Variants in FBN2 observed in about 807,000 individuals in gnomAD.
FBN2 encodes the protein fibrillin-2.
A neutral mutation model predicts 355.6 loss-of-function variants in FBN2; 105 were observed. That is an observed-to-expected ratio of 0.30 (90% CI 0.25 to 0.35). The LOEUF (loss-of-function observed/expected upper bound fraction) is 0.35. Ranked by LOEUF, FBN2 falls within the 10% of genes least tolerant of loss-of-function variation. The pLI, the probability that FBN2 is intolerant of heterozygous loss-of-function variation, is 1.00. For synonymous variants in FBN2, 1,350 were observed against 1,301.2 expected, an observed-to-expected ratio of 1.04 and a Z score of -0.81; for missense variants, 3,280 against 3,758.7, an observed-to-expected ratio of 0.87 and a Z score of 3.33.
chr5:128,494,346 T>C (rs1274408870), intron 5 of FBN2, among the ~76,000 whole-genome samples: 2 of 152,134 alleles, frequency 1.3e-5, no homozygotes, highest in African/African-American at 4.8e-5. Flanking sequence ...ATTTTGATGG[T>C]AGGCAATTAA....
intron 62 of FBN2, among the ~76,000 whole-genome samples, chr5:128,267,047 G>C (rs907225942): frequency 6.0e-5 from 9 of 151,034 alleles, no homozygotes; most frequent in Admixed American, 3.3e-4. Flanking sequence ...TCGTTGTTCA[G>C]CTCTCACTTA....
At chr5:128,317,204 T>A (rs986838378) in intron 36 of FBN2, among the ~76,000 whole-genome samples, 6 of 152,104 alleles carry the variant, frequency 3.9e-5, no homozygotes, top group Non-Finnish European at 8.8e-5. Flanking sequence ...TCCAACCACC[T>A]CCAGTGCCAA....
chr5:128,509,932 C>T (rs1051589759), intron 5 of FBN2, among the ~76,000 whole-genome samples: 1 of 152,160 alleles, frequency 6.6e-6, no homozygotes, highest in African/African-American at 2.4e-5. Flanking sequence ...GTTCCTTTCA[C>T]TCCTTTCAAG....
Position 128,408,757 on chromosome 5 carries a change from C to T in FBN2, c.995G>A (p.Gly332Asp). 1.2e-6 allele frequency: 2 copies of T among 1,613,948 alleles called. No individual in the cohort carries two copies. The highest frequency in any genetic ancestry group is 1.7e-6 in the Non-Finnish European group (2 of 1,179,856). ...GCTTCCCACGGTGTTGGAACATTCA[C>T]CAGTTTCACATATCCCAGGAATGAT... ...CSIIPGICET[G>D]ECSNTVGSYF... Residue 332 changes from glycine to aspartate, a missense_variant, in exon 8 of 65, where the codon GGT becomes GAT. Gly to Asp is a moderately conservative substitution (Grantham distance 94). Transcript: ENST00000262464.
intron 32 of FBN2, 116 bp from the exon 33 acceptor site, chr5:128,330,811 G>T (rs1357490531): frequency 1.4e-5 from 16 of 1,171,046 alleles, no homozygotes; most frequent in Admixed American, 1.9e-5. Flanking sequence ...ATTTTAGTTT[G>T]CAGGATCACA....
At chr5:128,454,560 AACTT>A (rs1316321513) in intron 6 of FBN2, among the ~76,000 whole-genome samples, 1 of 152,234 alleles carries the variant, frequency 6.6e-6, no homozygotes, top group African/African-American at 2.4e-5. Flanking sequence ...GCTTGGAAAT[AACTT>A]TCTACTCAGG....
intron 5 of FBN2, among the ~76,000 whole-genome samples, chr5:128,519,035 C>A (rs1227135749): frequency 6.6e-6 from 1 of 152,138 alleles, no homozygotes; most frequent in African/African-American, 2.4e-5. Context: ...CTCAAAATTA[C>A]CCTAGAGCCA....
Position 128,328,833 on chromosome 5 carries a change from A to T in FBN2, c.4346-12T>A. ...ACACTCATCAACATCTGTGCAAAAA[A>T]GCAAATTACATCTCTGTTAAGTTCC... On this transcript the variant is annotated splice_polypyrimidine_tract_variant and intron_variant, in intron 33 of 64. Transcript: ENST00000262464. 6.2e-7 allele frequency: 1 copy of T among 1,614,098 alleles called. No homozygotes were observed. Among genetic ancestry groups the T allele is most frequent in the Admixed American group, 1.7e-5 (1 of 60,016 alleles).
rs1756901046 is a variant in FBN2, at chr5:128,537,790, A to C, written c.-187T>G. 1.6e-6 allele frequency: 1 copy of C among 636,254 alleles called. No individual in the cohort carries two copies. The highest frequency in any genetic ancestry group is 2.7e-6 in the Non-Finnish European group (1 of 368,348). 39.4% of individuals were successfully genotyped at this position (636,254 alleles called of 1,614,324 possible). A position where few individuals can be genotyped will look rare whatever the true frequency, so the allele number is the denominator to read the frequency against. On this transcript the variant is annotated 5_prime_UTR_variant, in exon 1 of 65. Coordinates refer to ENST00000262464, the MANE Select transcript of FBN2 (RefSeq NM_001999.4). Reference sequence around the variant, plus strand: ...GCGCCGGCCCCCTGACTGCCCGCGAAGCGAGACGCGGGGCGCCGGGTCTAG... The same window carrying C: ...GCGCCGGCCCCCTGACTGCCCGCGACGCGAGACGCGGGGCGCCGGGTCTAG...
intron 7 of FBN2, among the ~76,000 whole-genome samples, chr5:128,416,108 C>A (rs1254584617): frequency 6.6e-6 from 1 of 151,624 alleles, no homozygotes; most frequent in Admixed American, 6.6e-5. Context: ...CTCACCGCAA[C>A]CTCTACCTCC....
At chr5:128,287,228 G>T in intron 54 of FBN2, 80 bp downstream of exon 54, 1 of 1,505,842 alleles carries the variant, frequency 6.6e-7, no homozygotes, top group Non-Finnish European at 9.2e-7. Context: ...GAAGAAATTA[G>T]TTGAGAACTA....
chr5:128,458,082 T>G lies in FBN2; in HGVS notation c.826+6642A>C, dbSNP rs12110270. On this transcript the variant is annotated intron_variant, in intron 6 of 64. Transcript: ENST00000262464. ...CTGTACTAAGGAAACCCGTCTTACA[T>G]GCAAAGACACACACAGGCTCAAAAT... is the stretch of plus-strand genomic sequence containing the variant. Among the ~76,000 whole-genome samples the G allele has an allele frequency of 6.3e-3, 963 of 152,120 alleles. 11 individuals carry two copies. Among genetic ancestry groups the G allele is most frequent in the African/African-American group, 0.022 (905 of 41,496 alleles).
chr5:128,451,612 C>A (rs934402385), intron 6 of FBN2, among the ~76,000 whole-genome samples: 1 of 152,080 alleles, frequency 6.6e-6, no homozygotes, highest in Admixed American at 6.5e-5. Context: ...GTTGGTCAGG[C>A]TGGTCTCGAA....
intron 55 of FBN2, among the ~76,000 whole-genome samples, chr5:128,280,697 G>C (rs1046463702): frequency 6.6e-6 from 1 of 152,044 alleles, no homozygotes; most frequent in African/African-American, 2.4e-5. Flanking sequence ...GAGGGATGGT[G>C]GGTGTTGGGT....
intron 7 of FBN2, among the ~76,000 whole-genome samples, chr5:128,420,327 C>A (rs1483270053): frequency 6.6e-6 from 1 of 152,162 alleles, no homozygotes; most frequent in African/African-American, 2.4e-5. Context: ...ACTAACTTTT[C>A]CAGACCAGCC....
intron 5 of FBN2, among the ~76,000 whole-genome samples, chr5:128,482,125 T>C (rs1222029584): frequency 1.3e-5 from 2 of 152,150 alleles, no homozygotes; most frequent in East Asian, 1.9e-4. Flanking sequence ...AATGGATATA[T>C]AGAGCTCATA....
At chr5:128,453,004 CTAACTT>C (rs769503966) in intron 6 of FBN2, among the ~76,000 whole-genome samples, 47 of 152,186 alleles carry the variant, frequency 3.1e-4, no homozygotes, top group Non-Finnish European at 6.6e-4. Context: ...AAACAAATGT[CTAACTT>C]TAAGGGCAGC....
chr5:128,334,185 G>A (rs1217909871), intron 31 of FBN2, among the ~76,000 whole-genome samples: 1 of 151,802 alleles, frequency 6.6e-6, no homozygotes, highest in African/African-American at 2.4e-5. Flanking sequence ...GTGAAGAGAG[G>A]AAAAAGAGAA....
Position 128,528,045 on chromosome 5 carries a change from AAACTC to A in FBN2, c.437-83_437-79del, listed in dbSNP as rs757714409. ...TATATGTGAGAGGTTATAAAACTAT[AAACTC>A]AATTATCCAATTCAATGACAATTAT... On this transcript the variant is annotated intron_variant, in intron 3 of 64. Transcript: ENST00000262464. 9.2e-5 allele frequency: 82 copies of A among 888,648 alleles called. No individual in the cohort carries two copies. In the East Asian group the frequency reaches 1.9e-3, roughly 21 times the overall value. The allele number at this position is 888,648 out of a possible 1,614,324, so 55.0% of individuals were successfully genotyped here.
Sources: allele counts gnomAD v4.1 joint callset (sites outside exome capture counted in the v4.1 genomes callset), GRCh38; gene constraint gnomAD v4.1.1; transcripts MANE v1.5; gene names NCBI Gene and HGNC (gene_info 2026-07-23, HGNC 2026-07-21).